The following SLIT3 variants were observed in gnomAD, a reference collection of about 807,000 sequenced individuals.
The protein encoded by SLIT3 is slit homolog 3 protein.
A neutral mutation model predicts 184.0 loss-of-function variants in SLIT3; 68 were observed. The observed-to-expected ratio is 0.37, with a 90% CI of 0.30 to 0.45. The LOEUF (loss-of-function observed/expected upper bound fraction) is 0.45, where lower values mean the gene tolerates loss of function less well. SLIT3 is among the 20% of genes least tolerant of loss of function. The pLI, the probability that SLIT3 is intolerant of heterozygous loss-of-function variation, is 1.00. For synonymous variants in SLIT3, 831 were observed against 828.6 expected (o/e 1.00, Z -0.05); for missense variants, 1,707 against 2,026.0 (o/e 0.84, Z 3.02).
chr5:169,200,353 C>T (rs1202347372), intron 3 of SLIT3, among the ~76,000 whole-genome samples: 1 of 152,238 alleles, frequency 6.6e-6, no homozygotes, highest in East Asian at 1.9e-4. Flanking sequence ...GTTTCCCCTT[C>T]CCCAGGCAGC....
chr5:169,244,813 C>CT, intron 2 of SLIT3, 37 bp from the exon 3 acceptor site: 1 of 1,592,898 alleles, frequency 6.3e-7, no homozygotes, highest in South Asian at 1.1e-5. Flanking sequence ...AAGGACAAAG[C>CT]TGGGCTCAGG....
intron 4 of SLIT3, among the ~76,000 whole-genome samples, chr5:169,091,690 C>T (rs1561659294): frequency 2.0e-5 from 3 of 152,192 alleles, no homozygotes; most frequent in Admixed American, 6.5e-5. Context: ...TGATGGGGCT[C>T]GTGGTTTCCT....
At chr5:169,063,642 G>A (rs897742548) in intron 4 of SLIT3, among the ~76,000 whole-genome samples, 1 of 152,228 alleles carries the variant, frequency 6.6e-6, no homozygotes, top group South Asian at 2.1e-4. Context: ...CCTAGTGAAA[G>A]TTTTATGTGT....
At position 168,981,228 on chromosome 5, in the gene SLIT3, G is replaced by A. The variant is rs149304668; in HGVS notation, c.414-97892C>T. Among the ~76,000 whole-genome samples, 18 of 152,240 alleles carry A rather than the reference G, an allele frequency of 1.2e-4. No homozygotes were observed. In the East Asian group the frequency reaches 3.5e-3, roughly 29 times the overall value. The stretch of plus-strand genomic sequence containing the variant: ...TTGTGTAGCATGTAATTTGGACCAC[G>A]TGTCAGTTTATTCATTAATATGCAT... On this transcript the variant is annotated intron_variant, in intron 4 of 35. Transcript: ENST00000519560.
intron 4 of SLIT3, among the ~76,000 whole-genome samples, chr5:169,108,745 C>T (rs188034400): frequency 6.6e-6 from 1 of 152,244 alleles, no homozygotes; most frequent in Non-Finnish European, 1.5e-5. Context: ...GCCACCTCCC[C>T]CTCATTGCAC....
chr5:168,919,032 G>A (rs928408029), intron 4 of SLIT3, among the ~76,000 whole-genome samples: 3 of 151,960 alleles, frequency 2.0e-5, no homozygotes, highest in Admixed American at 6.6e-5. Flanking sequence ...AGGCTGAGGC[G>A]GGTGGATCAC....
chr5:168,718,729 C>CACACAT (rs1178663768), intron 23 of SLIT3, among the ~76,000 whole-genome samples: 2 of 130,652 alleles, frequency 1.5e-5, no homozygotes, highest in Non-Finnish European at 3.3e-5. Flanking sequence ...CACACACACA[C>CACACAT]ATTCTCTCTC....
Position 169,166,381 on chromosome 5 carries a change from A to G in SLIT3, c.413+27098T>C, listed in dbSNP as rs146422024. On this transcript the variant is annotated intron_variant, in intron 4 of 35. Coordinates refer to ENST00000519560, the MANE Select transcript of SLIT3 (RefSeq NM_003062.4). Reference sequence around the variant, plus strand: ...CATCAAGGCCCATGAGAGCCATATTACAGTTCGCAGGGCAGTGGAGATCAT... The same window carrying G: ...CATCAAGGCCCATGAGAGCCATATTGCAGTTCGCAGGGCAGTGGAGATCAT... Among the ~76,000 whole-genome samples, 33 of 152,324 alleles carry G rather than the reference A, an allele frequency of 2.2e-4. No homozygotes were observed. The East Asian group carries it at 4.4e-3, about 20-fold the overall frequency.
intron 20 of SLIT3, among the ~76,000 whole-genome samples, chr5:168,726,388 GGGAGGCAGAGGGAGGC>G (rs1763113908): frequency 1.9e-5 from 1 of 52,874 alleles, no homozygotes; most frequent in Non-Finnish European, 4.4e-5. Context: ...GAGGGAGGCA[GGGAGGCAGAGGGAGGC>G]AGGGAGGCAG....
At chr5:168,667,973 A>C (rs536903989) in intron 35 of SLIT3, among the ~76,000 whole-genome samples, 1 of 152,264 alleles carries the variant, frequency 6.6e-6, no homozygotes, top group African/African-American at 2.4e-5. Flanking sequence ...GTAAGTCTGA[A>C]ATTATTTCAG....
At chr5:168,692,519 C>T (rs1761939969) in intron 29 of SLIT3, 88 bp downstream of exon 29, 3 of 784,428 alleles carry the variant, frequency 3.8e-6, no homozygotes, top group South Asian at 1.6e-5. Flanking sequence ...AGAGAGCATG[C>T]AGAGAGACCA....
intron 4 of SLIT3, among the ~76,000 whole-genome samples, chr5:169,020,297 G>A (rs1756548456): frequency 6.6e-6 from 1 of 152,160 alleles, no homozygotes; most frequent in African/African-American, 2.4e-5. Context: ...CTTTGCAGTT[G>A]GTCCTGATCA....
intron 4 of SLIT3, among the ~76,000 whole-genome samples, chr5:169,182,071 C>T (rs1388387752): frequency 6.6e-6 from 1 of 152,112 alleles, no homozygotes; most frequent in East Asian, 1.9e-4. Flanking sequence ...TCCACTTGGC[C>T]AACCGTGGGG....
chr5:168,690,645 C>T (rs542976810), intron 29 of SLIT3, among the ~76,000 whole-genome samples: 21 of 152,090 alleles, frequency 1.4e-4, no homozygotes, highest in Non-Finnish European at 2.9e-4. Context: ...TGGAAGTAGG[C>T]GGGGAGGTCC....
At chr5:168,749,041 G>C (rs1208642026) in intron 19 of SLIT3, among the ~76,000 whole-genome samples, 1 of 152,180 alleles carries the variant, frequency 6.6e-6, no homozygotes. Context: ...TCATGATGCT[G>C]ACAGGAAGAC....
intron 4 of SLIT3, among the ~76,000 whole-genome samples, chr5:169,050,018 C>T (rs1363827745): frequency 6.6e-6 from 1 of 152,084 alleles, no homozygotes; most frequent in Non-Finnish European, 1.5e-5. Context: ...CCCTCCTCCC[C>T]ATTTCTCCTC....
At chr5:168,859,413 C>T (rs1759023594) in intron 5 of SLIT3, among the ~76,000 whole-genome samples, 2 of 151,776 alleles carry the variant, frequency 1.3e-5, no homozygotes, top group African/African-American at 2.4e-5. Context: ...AGATAAAAGC[C>T]CCTTTGACAA....
Position 169,117,928 on chromosome 5 carries a change from C to T in SLIT3, c.413+75551G>A, listed in dbSNP as rs993250744. 2.8e-4 allele frequency among the ~76,000 whole-genome samples: 42 copies of T among 152,314 alleles called. 1 individual carries two copies. The highest frequency in any genetic ancestry group is 8.5e-4 in the Admixed American group (13 of 15,302). On this transcript the variant is annotated intron_variant, in intron 4 of 35. Transcript: ENST00000519560. ...ACGAACTAGCATAACTAAGAAAAGA[C>T]GCTCTCATACAGGCCCAGCATCACA...
At chr5:168,737,585 C>T (rs774762996) in intron 20 of SLIT3, among the ~76,000 whole-genome samples, 16 of 152,322 alleles carry the variant, frequency 1.1e-4, no homozygotes, top group African/African-American at 3.1e-4. Flanking sequence ...ATCCTTCCCC[C>T]CTCTTTTCCT....
Sources: gnomAD v4.1 joint callset for allele counts (sites outside exome capture counted in the v4.1 genomes callset) on GRCh38, gnomAD v4.1.1 for gene constraint, MANE v1.5 for transcripts, NCBI Gene and HGNC (gene_info 2026-07-23, HGNC 2026-07-21) for gene names.